The following ADAM17 variants were observed in gnomAD, a reference collection of about 807,000 sequenced individuals.
ADAM17 encodes the protein ADAM metallopeptidase domain 17, also known as disintegrin and metalloproteinase domain-containing protein 17.
A neutral mutation model predicts 96.7 loss-of-function variants in ADAM17; 39 were observed. The observed-to-expected ratio is 0.40, with a 90% CI of 0.31 to 0.53. The LOEUF (loss-of-function observed/expected upper bound fraction) is 0.53. Among genes scored for constraint, ADAM17 ranks in the 20% least tolerant of loss-of-function variants. The pLI is 0.44. For missense variants in ADAM17, 777 were observed against 1,013.2 expected (o/e 0.77, Z 3.17); for synonymous variants, 344 against 359.2 (o/e 0.96, Z 0.48).
intron 4 of ADAM17, among the ~76,000 whole-genome samples, chr2:9,533,062 G>A (rs1044490355): frequency 3.3e-5 from 5 of 151,754 alleles, no homozygotes; most frequent in Non-Finnish European, 7.4e-5. Flanking sequence ...GGTGGCACAC[G>A]CCTGTAATTC....
Position 9,535,930 on chromosome 2 carries a change from G to GAA in ADAM17, c.362-10_362-9dup. ...CCCTAGAGTCAGGCTCACCTTAAGAGAAAAAAAAAATTATTATTTAAAAAT... is the reference window on the plus strand; with the variant it reads ...CCCTAGAGTCAGGCTCACCTTAAGAGAAAAAAAAAAAATTATTATTTAAAAAT... On this transcript the variant is annotated splice_polypyrimidine_tract_variant and intron_variant, in intron 3 of 18. Transcript: ENST00000310823. 8 of 1,441,424 alleles carry GAA rather than the reference G, an allele frequency of 5.6e-6. No homozygotes were observed. The highest frequency in any genetic ancestry group is 1.4e-5 in the South Asian group (1 of 69,296). The allele number at this position is 1,441,424 out of a possible 1,614,324, so 89.3% of individuals were successfully genotyped here.
At chr2:9,504,930 C>CT (rs1663293168) in intron 12 of ADAM17, among the ~76,000 whole-genome samples, 2 of 152,082 alleles carry the variant, frequency 1.3e-5, no homozygotes, top group African/African-American at 4.8e-5. Flanking sequence ...GTTGCCCAGG[C>CT]TGTTCTCAAG....
rs1372004773 is a variant in ADAM17 at position 9,535,939 on chromosome 2, AATT to A, written c.362-20_362-18del. 4 of 1,462,412 alleles carry A rather than the reference AATT, an allele frequency of 2.7e-6. No individual in the cohort carries two copies. In the African/African-American group the frequency reaches 5.8e-5, roughly 21 times the overall value. The allele number at this position is 1,462,412 out of a possible 1,614,324, so 90.6% of individuals were successfully genotyped here. A position where few individuals can be genotyped will look rare whatever the true frequency, so the allele number is the denominator to read the frequency against. On this transcript the variant is annotated intron_variant, in intron 3 of 18. Coordinates refer to ENST00000310823, the MANE Select transcript of ADAM17 (RefSeq NM_003183.6). ...CAGGCTCACCTTAAGAGAAAAAAAA[AATT>A]ATTATTTAAAAATACTTACATCAAA...
At chr2:9,505,023 G>A (rs780794109) in intron 12 of ADAM17, 143 bp downstream of exon 12, 30 of 929,208 alleles carry the variant, frequency 3.2e-5, no homozygotes, top group Non-Finnish European at 4.7e-5. Context: ...ATTTCTTGCT[G>A]TGAAGGGCAA....
rs775650699 is a variant in ADAM17 at position 9,535,917 on chromosome 2, G to A, written c.367C>T (p.Pro123Ser). The A allele has an allele frequency of 3.2e-6, 5 of 1,561,750 alleles. No individual in the cohort carries two copies. Among genetic ancestry groups the A allele is most frequent in the Non-Finnish European group, 4.3e-6 (5 of 1,155,972 alleles). Residue 123 changes from proline to serine, a missense_variant, in exon 4 of 19, where the codon CCT becomes TCT. This residue lies in a region of ADAM17 where 446 missense variants were observed against 664.7 expected (regional missense o/e 0.67). Coordinates refer to ENST00000310823, the MANE Select transcript of ADAM17 (RefSeq NM_003183.6). ...DFFTGHVVGEPDSRVLAHIRD... is the reference protein window; with the variant it reads ...DFFTGHVVGESDSRVLAHIRD... The stretch of plus-strand genomic sequence containing the variant: ...ATGTGGGCTAGAACCCTAGAGTCAG[G>A]CTCACCTTAAGAGAAAAAAAAAATT...
At chr2:9,502,125 A>C in intron 13 of ADAM17, 48 bp downstream of exon 13, 2 of 1,493,464 alleles carry the variant, frequency 1.3e-6, no homozygotes, top group Non-Finnish European at 1.9e-6. Context: ...TCAAAGACAC[A>C]CACACACTTG....
intron 7 of ADAM17, chr2:9,522,397 C>T (rs771219166): frequency 3.5e-6 from 2 of 566,050 alleles, no homozygotes; most frequent in Non-Finnish European, 6.6e-6. Flanking sequence ...TTACTTTTCA[C>T]TGGCTTTTGT....
intron 1 of ADAM17, among the ~76,000 whole-genome samples, chr2:9,544,603 G>A (rs550404135): frequency 6.6e-6 from 1 of 151,996 alleles, no homozygotes; most frequent in Non-Finnish European, 1.5e-5. Context: ...CAAGGCAGGG[G>A]GATCACAAGG....
chr2:9,537,001 T>C (rs1664984958), intron 2 of ADAM17, among the ~76,000 whole-genome samples, 173 bp from the exon 3 acceptor site: 1 of 152,134 alleles, frequency 6.6e-6, no homozygotes, highest in East Asian at 1.9e-4. Flanking sequence ...TAACGACAAA[T>C]GAACTAATTT....
intron 2 of ADAM17, among the ~76,000 whole-genome samples, chr2:9,537,891 GGAGGGGAGGGGAGGA>G (rs1341631682): frequency 1.3e-5 from 1 of 79,492 alleles, no homozygotes; most frequent in African/African-American, 4.7e-5. Flanking sequence ...GGAGGGGAGG[GGAGGGGAGGGGAGGA>G]GAGGGGGAGG....
At chr2:9,514,547 AT>A (rs1663945677) in intron 10 of ADAM17, among the ~76,000 whole-genome samples, 6 of 96,048 alleles carry the variant, frequency 6.2e-5, no homozygotes, top group Admixed American at 3.4e-4. Flanking sequence ...ATATATATAT[AT>A]ATATATATAT....
chr2:9,528,226 TGCA>T (rs1255377580), intron 4 of ADAM17, among the ~76,000 whole-genome samples: 1 of 152,236 alleles, frequency 6.6e-6, no homozygotes. Context: ...TTTCAGAGGA[TGCA>T]GAAGAGAAAA....
At chr2:9,508,757 T>C (rs887891908) in intron 11 of ADAM17, among the ~76,000 whole-genome samples, 9 of 152,118 alleles carry the variant, frequency 5.9e-5, no homozygotes, top group African/African-American at 1.4e-4. Flanking sequence ...GAAAGTTCTA[T>C]TGGGCAGCAC....
intron 4 of ADAM17, among the ~76,000 whole-genome samples, chr2:9,533,529 G>C (rs1178473424): frequency 6.6e-6 from 1 of 152,158 alleles, no homozygotes; most frequent in African/African-American, 2.4e-5. Flanking sequence ...CCTGGTAACA[G>C]AGTGAGACTC....
rs764631120 is a variant in ADAM17 at position 9,527,867 on chromosome 2, A to G, written c.538T>C (p.Ser180Pro). The change falls in exon 5 of 19, where the codon TCT becomes CCT. Residue 180 changes from serine to proline, a missense_variant. Transcript: ENST00000310823. ...TTTAAATAACCACACACTTTTGGAG[A>G]CTGCAAACGTGAAACATTCTTGATA... is the stretch of plus-strand genomic sequence containing the variant. The part of the protein sequence containing the change: ...EDIKNVSRLQ[S>P]PKVCGYLKVD... The G allele has an allele frequency of 6.2e-7, 1 of 1,603,136 alleles. No homozygotes were observed. The highest frequency in any genetic ancestry group is 1.1e-5 in the South Asian group (1 of 89,162).
At chr2:9,551,748 C>T (rs537157421) in intron 1 of ADAM17, among the ~76,000 whole-genome samples, 7 of 152,084 alleles carry the variant, frequency 4.6e-5, no homozygotes, top group African/African-American at 7.2e-5. Flanking sequence ...CATGAGCCAC[C>T]GCGCCTGGCC....
chr2:9,555,532 C>T lies in ADAM17; in HGVS notation c.74G>A (p.Gly25Asp), dbSNP rs2125049728. ...VLAPRPPDDP[G>D]FGPHQRLEKL... Reference sequence around the variant, plus strand: ...ACCGAGTCTCTGGTGGGGGCCGAAGCCCGGGTCATCCGGAGGTCGCGGCGC... The same window carrying T: ...ACCGAGTCTCTGGTGGGGGCCGAAGTCCGGGTCATCCGGAGGTCGCGGCGC... The change falls in exon 1 of 19, where the codon GGC (glycine) becomes GAC (aspartate). Residue 25 changes from glycine to aspartate, a missense_variant. Physicochemically the swap from Gly to Asp is moderately conservative, Grantham distance 94. Transcript: ENST00000310823. The T allele has an allele frequency of 2.5e-6, 4 of 1,601,284 alleles. No individual in the cohort carries two copies. Among genetic ancestry groups the T allele is most frequent in the Non-Finnish European group, 3.4e-6 (4 of 1,173,864 alleles).
chr2:9,502,038 G>C, intron 13 of ADAM17, 135 bp downstream of exon 13: 3 of 734,872 alleles, frequency 4.1e-6, no homozygotes, highest in Non-Finnish European at 6.9e-6. Context: ...ACAAACTAAG[G>C]AGTGCCAGAA....
Position 9,508,635 on chromosome 2 carries a change from A to T in ADAM17, c.1344+1344T>A, listed in dbSNP as rs1451493711. Among the ~76,000 whole-genome samples, 19 of 152,328 alleles carry T rather than the reference A, an allele frequency of 1.2e-4. No individual in the cohort carries two copies. The East Asian group carries it at 2.3e-3, about 19-fold the overall frequency. ...AAACATTATTAAAAATTTAAATAAA[A>T]TAGAATTTACAATTCAGTTCCTCAG... On this transcript the variant is annotated intron_variant, in intron 11 of 18. Transcript: ENST00000310823.
Sources: allele counts gnomAD v4.1 joint callset (sites outside exome capture counted in the v4.1 genomes callset), GRCh38; gene constraint gnomAD v4.1.1; regional missense constraint gnomAD v4.1.1; transcripts MANE v1.5; gene names NCBI Gene and HGNC (gene_info 2026-07-23, HGNC 2026-07-21).